NNT: variants seen among roughly 807,000 people sequenced by gnomAD.
The protein encoded by NNT is nicotinamide nucleotide transhydrogenase.
A neutral mutation model predicts 104.8 loss-of-function variants in NNT; 50 were observed. The ratio of observed to expected loss-of-function variants is 0.48; its 90% CI spans 0.38 to 0.60. NNT has a LOEUF of 0.60. Ranked by LOEUF, NNT falls within the 20% of genes least tolerant of loss-of-function variation. The pLI, the probability that NNT is intolerant of heterozygous loss-of-function variation, is 0.00. For synonymous variants in NNT, 461 were observed against 490.4 expected (o/e 0.94, Z 0.79); for missense variants, 1,131 against 1,330.7 (o/e 0.85, Z 2.33).
intron 17 of NNT, among the ~76,000 whole-genome samples, chr5:43,668,766 C>A (rs1375766541): frequency 6.6e-6 from 1 of 152,140 alleles, no homozygotes; most frequent in Non-Finnish European, 1.5e-5. Context: ...AATGTGAGCT[C>A]TTTTTTGGTT....
intron 7 of NNT, among the ~76,000 whole-genome samples, chr5:43,643,692 A>G (rs1238826151): frequency 6.6e-6 from 1 of 152,224 alleles, no homozygotes; most frequent in Non-Finnish European, 1.5e-5. Flanking sequence ...AAGGTAGGTT[A>G]ATATGATGTG....
chr5:43,674,096 G>A (rs1741278727), intron 17 of NNT, among the ~76,000 whole-genome samples: 1 of 151,860 alleles, frequency 6.6e-6, no homozygotes, highest in African/African-American at 2.4e-5. Flanking sequence ...GACATTTCAG[G>A]TTTTATTTTG....
chr5:43,651,858 C>T lies in NNT; in HGVS notation c.1837C>T (p.Leu613Phe). 6.2e-7 allele frequency: 1 copy of T among 1,614,110 alleles called. No homozygotes were observed. Among genetic ancestry groups the T allele is most frequent in the South Asian group, 1.1e-5 (1 of 91,080 alleles). The change falls in exon 13 of 22, where the codon CTC becomes TTC. Residue 613 changes from leucine to phenylalanine, a missense_variant. Physicochemically the swap from Leu to Phe is conservative, Grantham distance 22. Transcript: ENST00000344920. Reference protein sequence around the residue: ...GTFVGGYLAALYSGYNIEQIM... With the variant: ...GTFVGGYLAAFYSGYNIEQIM... ...CTTTGTTGGTGGATATTTAGCTGCCCTCTACAGTGGTTATAACATTGAACA... is the reference window on the plus strand; with the variant it reads ...CTTTGTTGGTGGATATTTAGCTGCCTTCTACAGTGGTTATAACATTGAACA...
In NNT at chr5:43,619,035, TAAGGCTGTTGTCCTAGCAGCAAATCA is replaced by T. The variant is rs1749931489; in HGVS notation, c.604_629del (p.Lys202PhefsTer19). 2 of 1,519,586 alleles carry T rather than the reference TAAGGCTGTTGTCCTAGCAGCAAATCA, an allele frequency of 1.3e-6. No homozygotes were observed. The highest frequency in any genetic ancestry group is 1.4e-5 in the African/African-American group (1 of 71,900). The allele number at this position is 1,519,586 out of a possible 1,614,324, so 94.1% of individuals were successfully genotyped here. ...ATTTATTTATTTATTTTTAAAGTTA[TAAGGCTGTTGTCCTAGCAGCAAATCA>T]TTTTGGACGTTTTTTTACTGGTCAG... is the stretch of plus-strand genomic sequence containing the variant. On this transcript the variant is annotated frameshift_variant, in exon 5 of 22. Coordinates refer to ENST00000344920, the MANE Select transcript of NNT (RefSeq NM_182977.3). LOFTEE classifies it high-confidence loss of function.
At chr5:43,693,641 C>T (rs1315391226) in intron 19 of NNT, among the ~76,000 whole-genome samples, 1 of 151,992 alleles carries the variant, frequency 6.6e-6, no homozygotes, top group Non-Finnish European at 1.5e-5. Flanking sequence ...TCTGATTTGG[C>T]ACAGATGGTG....
At chr5:43,634,305 A>C (rs535740136) in intron 7 of NNT, among the ~76,000 whole-genome samples, 8 of 152,306 alleles carry the variant, frequency 5.3e-5, no homozygotes, top group African/African-American at 1.9e-4. Flanking sequence ...TATAGCGCAA[A>C]AGAATGACTT....
chr5:43,653,771 A>G (rs1465250343), intron 14 of NNT, among the ~76,000 whole-genome samples: 2 of 151,944 alleles, frequency 1.3e-5, no homozygotes, highest in Non-Finnish European at 2.9e-5. Context: ...CCTGGCCAAC[A>G]TGGTGAAACC....
intron 6 of NNT, among the ~76,000 whole-genome samples, chr5:43,626,784 A>G (rs1750386540): frequency 1.3e-5 from 2 of 150,594 alleles, no homozygotes; most frequent in Non-Finnish European, 3.0e-5. Flanking sequence ...TTATATACAT[A>G]TATGTATGTG....
At chr5:43,653,460 G>C (rs537484598) in intron 14 of NNT, 1 of 387,728 alleles carries the variant, frequency 2.6e-6, no homozygotes, top group African/African-American at 2.0e-5. Context: ...ACTGTGTCCC[G>C]TTAGCTGATA....
At chr5:43,694,738 T>TTGTGTGTGTGTG (rs61079918) in intron 19 of NNT, among the ~76,000 whole-genome samples, 344 of 137,904 alleles carry the variant, frequency 2.5e-3, no homozygotes, top group East Asian at 0.016. Context: ...GGCCTAAAGT[T>TTGTGTGTGTGTG]TGTGTGTGTG....
rs193294745 is a variant in NNT at position 43,700,442 on chromosome 5, T to G, written c.2995+205T>G. ...AGATTCGTAAACAGCACAGGTAAAT[T>G]TTTCTCCTCCGTGAAGAACTGAAGG... On this transcript the variant is annotated intron_variant, in intron 20 of 21. Transcript: ENST00000344920. Among the ~76,000 whole-genome samples, 1,389 of 152,218 alleles carry G rather than the reference T, an allele frequency of 9.1e-3. 25 individuals are homozygous for G. Among genetic ancestry groups the G allele is most frequent in the African/African-American group, 0.032 (1,346 of 41,528 alleles).
intron 17 of NNT, among the ~76,000 whole-genome samples, chr5:43,662,359 C>T (rs768686915): frequency 2.6e-5 from 4 of 152,084 alleles, no homozygotes; most frequent in Non-Finnish European, 2.9e-5. Flanking sequence ...ATTATATCAT[C>T]TTTCTCTTAT....
chr5:43,682,356 A>G (rs1741767096), intron 19 of NNT, among the ~76,000 whole-genome samples: 1 of 151,722 alleles, frequency 6.6e-6, no homozygotes, highest in Non-Finnish European at 1.5e-5. Context: ...GATTACAGGC[A>G]TGCGCCACCA....
At chr5:43,661,531 G>A (rs1299155445) in intron 17 of NNT, among the ~76,000 whole-genome samples, 2 of 149,962 alleles carry the variant, frequency 1.3e-5, no homozygotes, top group African/African-American at 4.9e-5. Context: ...TCTAGCATTA[G>A]GTATATCTCC....
rs534346369 is a variant in NNT at position 43,624,361 on chromosome 5, C to A, written c.776+241C>A. Among the ~76,000 whole-genome samples, 17 of 152,270 alleles carry A rather than the reference C, an allele frequency of 1.1e-4. No homozygotes were observed. The South Asian group carries it at 3.3e-3, about 30-fold the overall frequency. ...ACAGTGGGACCAGAATTCTTTCTAT[C>A]CTGAGTTTCTAACATGTTGCTTTAC... On this transcript the variant is annotated intron_variant, in intron 6 of 21. Transcript: ENST00000344920.
intron 1 of NNT, among the ~76,000 whole-genome samples, chr5:43,605,570 A>G (rs541811579): frequency 6.8e-6 from 1 of 146,836 alleles, no homozygotes; most frequent in Non-Finnish European, 1.5e-5. Context: ...TTTTTCCCCT[A>G]ATTTTGAGTT....
chr5:43,641,401 TC>T (rs1329895801), intron 7 of NNT, among the ~76,000 whole-genome samples: 1 of 152,106 alleles, frequency 6.6e-6, no homozygotes, highest in Non-Finnish European at 1.5e-5. Context: ...ATGACTGTAT[TC>T]CCTGTAGCCC....
intron 6 of NNT, among the ~76,000 whole-genome samples, chr5:43,626,829 G>A (rs1750391700): frequency 6.7e-6 from 1 of 150,042 alleles, no homozygotes; most frequent in African/African-American, 2.4e-5. Flanking sequence ...TAATATATAT[G>A]TCTGTGTATA....
chr5:43,683,378 G>T (rs1741821487), intron 19 of NNT, among the ~76,000 whole-genome samples: 1 of 152,244 alleles, frequency 6.6e-6, no homozygotes, highest in African/African-American at 2.4e-5. Flanking sequence ...ATGGTGGAAA[G>T]AACAGAAGAC....
Sources: gnomAD v4.1 joint callset for allele counts (sites outside exome capture counted in the v4.1 genomes callset) on GRCh38, gnomAD v4.1.1 for gene constraint, MANE v1.5 for transcripts, NCBI Gene and HGNC (gene_info 2026-07-23, HGNC 2026-07-21) for gene names.